Variants in DDX27 observed in about 807,000 individuals in gnomAD.
DDX27 encodes DEAD-box helicase 27.
DDX27 carries 42 observed loss-of-function variants against 99.3 expected under a neutral mutation model. The observed-to-expected ratio is 0.42, with a 90% CI of 0.33 to 0.55. The LOEUF (loss-of-function observed/expected upper bound fraction) is 0.55, where lower values mean the gene tolerates loss of function less well. Ranked by LOEUF, DDX27 falls within the 20% of genes least tolerant of loss-of-function variation. The pLI is 0.07. For synonymous variants in DDX27, 329 were observed against 353.8 expected (o/e 0.93, Z 0.79); for missense variants, 798 against 976.8 (o/e 0.82, Z 2.44).
chr20:49,238,798 C>CA (rs1305253302), intron 14 of DDX27, 151 bp from the exon 15 acceptor site: 1 of 235,818 alleles, frequency 4.2e-6, no homozygotes, highest in Admixed American at 7.4e-5. Flanking sequence ...TTTGTAGAGA[C>CA]AGAGTCTGGC....
rs1979549477 is a variant in DDX27, at chr20:49,219,497, G to A, written c.49G>A (p.Val17Met). Residue 17 changes from valine (V) to methionine (M), a missense_variant, in exon 1 of 21, where the codon GTG (valine) becomes ATG (methionine). By Grantham distance (21) the Val-to-Met change is conservative. This residue lies in a region of DDX27 where 245 missense variants were observed against 248.8 expected (regional missense o/e 0.98). Transcript: ENST00000618172. ...LIGTIGEDDE[V>M]PVEPESDSGD... ...CGGAACCATAGGCGAGGATGACGAG[G>A]TGCCGGTGGAGCCCGAGTCTGACTC... The A allele has an allele frequency of 6.2e-7, 1 of 1,614,120 alleles. No individual in the cohort carries two copies. Among genetic ancestry groups the A allele is most frequent in the African/African-American group, 1.3e-5 (1 of 75,048 alleles).
intron 19 of DDX27, 84 bp from the exon 20 acceptor site, chr20:49,243,545 T>C (rs1980550126): frequency 8.3e-7 from 1 of 1,198,988 alleles, no homozygotes; most frequent in East Asian, 2.3e-5. Context: ...TACTGCTTCA[T>C]GTAGGAGCTG....
At chr20:49,230,771 G>A (rs926975395) in intron 9 of DDX27, among the ~76,000 whole-genome samples, 2 of 148,398 alleles carry the variant, frequency 1.3e-5, no homozygotes, top group Non-Finnish European at 3.0e-5. Context: ...CCCCCACCCC[G>A]CCCCCCAGCT....
chr20:49,242,284 G>A, intron 18 of DDX27, 78 bp downstream of exon 18: 7 of 1,571,866 alleles, frequency 4.5e-6, no homozygotes, highest in Non-Finnish European at 5.2e-6. Flanking sequence ...GAGAAAATCT[G>A]AGGGATGATG....
At chr20:49,243,428 C>T (rs1183240170) in intron 19 of DDX27, among the ~76,000 whole-genome samples, 3 of 152,192 alleles carry the variant, frequency 2.0e-5, no homozygotes. Context: ...AGGGCCTCTT[C>T]CAACCTTGTT....
intron 4 of DDX27, 141 bp downstream of exon 4, chr20:49,223,574 T>TTC: frequency 7.2e-6 from 3 of 416,574 alleles, no homozygotes; most frequent in Non-Finnish European, 1.1e-5. Context: ...CTTTCTTTCT[T>TTC]TTTTTTTTTT....
rs527559215 is a variant in DDX27 at position 49,224,842 on chromosome 20, C to T, written c.467-103C>T. 58 of 1,296,204 alleles carry T rather than the reference C, an allele frequency of 4.5e-5. 1 individual carries two copies. The highest frequency in any genetic ancestry group is 2.2e-4 in the South Asian group (17 of 77,284). The allele number at this position is 1,296,204 out of a possible 1,614,324, so 80.3% of individuals were successfully genotyped here. Reference sequence around the variant, plus strand: ...GAAACAAGGTTGACGATGGTCACCCCTCAGAGGCTGAAGTGTGGCATTGGC... The same window carrying T: ...GAAACAAGGTTGACGATGGTCACCCTTCAGAGGCTGAAGTGTGGCATTGGC... On this transcript the variant is annotated intron_variant, in intron 4 of 20. Coordinates refer to ENST00000618172, the MANE Select transcript of DDX27 (RefSeq NM_017895.8).
intron 7 of DDX27, among the ~76,000 whole-genome samples, chr20:49,227,670 A>G (rs1251056080): frequency 2.6e-5 from 4 of 151,668 alleles, no homozygotes; most frequent in Non-Finnish European, 2.9e-5. Flanking sequence ...TGCCTGGCAT[A>G]CTGAAGGATT....
Position 49,239,246 on chromosome 20 carries a change from C to T in DDX27, c.1805C>T (p.Ala602Val), listed in dbSNP as rs1392777408. ...TTGTTATCTCTACAGATCAATACAG[C>T]AAAGCGGCTCCTGGAGAAGGGGAAG... is the stretch of plus-strand genomic sequence containing the variant. ...MQQSEAQINT[A>V]KRLLEKGKEA... The change falls in exon 16 of 21, where the codon GCA (alanine) becomes GTA (valine). Residue 602 changes from alanine (A) to valine (V), a missense_variant. Physicochemically the swap from Ala to Val is moderately conservative, Grantham distance 64. Around this residue, in one of 2 missense-constraint regions of DDX27, gnomAD observed 553 missense variants for 727.9 expected, o/e 0.76. Transcript: ENST00000618172. 2 of 1,614,052 alleles carry T rather than the reference C, an allele frequency of 1.2e-6. No homozygotes were observed. The highest frequency in any genetic ancestry group is 8.5e-7 in the Non-Finnish European group (1 of 1,179,994).
At chr20:49,224,193 T>C (rs979460479) in intron 4 of DDX27, among the ~76,000 whole-genome samples, 1 of 151,662 alleles carries the variant, frequency 6.6e-6, no homozygotes, top group African/African-American at 2.4e-5. Context: ...TTCTTTTAGG[T>C]TTTCTTTTCT....
At chr20:49,243,306 C>T (rs1275427989) in intron 19 of DDX27, among the ~76,000 whole-genome samples, 1 of 152,082 alleles carries the variant, frequency 6.6e-6, no homozygotes, top group Admixed American at 6.6e-5. Flanking sequence ...CCTGCAGAAC[C>T]CCAGAGAATC....
chr20:49,225,556 C>T (rs549769486), intron 6 of DDX27, among the ~76,000 whole-genome samples: 49 of 149,976 alleles, frequency 3.3e-4, no homozygotes, highest in East Asian at 1.2e-3. Context: ...CCCGGGTTCA[C>T]GCCATTCTCC....
intron 19 of DDX27, 81 bp from the exon 20 acceptor site, chr20:49,243,548 A>C: frequency 8.1e-7 from 1 of 1,229,564 alleles, no homozygotes; most frequent in Non-Finnish European, 1.2e-6. Flanking sequence ...TGCTTCATGT[A>C]GGAGCTGGGG....
chr20:49,229,909 GTGCTGGGAT>G (rs1980040744), intron 8 of DDX27, among the ~76,000 whole-genome samples: 1 of 152,336 alleles, frequency 6.6e-6, no homozygotes, highest in South Asian at 2.1e-4. Context: ...GCCTCCCAAA[GTGCTGGGAT>G]TGATTACAGG....
At chr20:49,242,868 C>T (rs1234387122) in intron 19 of DDX27, among the ~76,000 whole-genome samples, 187 bp downstream of exon 19, 1 of 152,228 alleles carries the variant, frequency 6.6e-6, no homozygotes, top group East Asian at 1.9e-4. Context: ...ACTATAGGCG[C>T]ACGCCACCAT....
intron 6 of DDX27, 30 bp downstream of exon 6, chr20:49,225,229 G>A (rs1456090927): frequency 6.4e-7 from 1 of 1,554,862 alleles, no homozygotes. Flanking sequence ...AATTTTCTTT[G>A]TAGAAGCATG....
chr20:49,230,946 C>T (rs1050540168), intron 9 of DDX27: 7 of 152,392 alleles, frequency 4.6e-5, no homozygotes, highest in Non-Finnish European at 7.3e-5. Context: ...GACTCTTCAC[C>T]AGCTTGGGGA....
intron 7 of DDX27, among the ~76,000 whole-genome samples, chr20:49,227,539 G>C (rs1039284292): frequency 2.0e-5 from 3 of 151,912 alleles, no homozygotes; most frequent in African/African-American, 7.3e-5. Context: ...GCTGATTTTT[G>C]TATTTTTAGT....
Position 49,225,093 on chromosome 20 carries a change from CTT to C in DDX27, c.514-17_514-16del, listed in dbSNP as rs757168989. 151 of 1,612,910 alleles carry C rather than the reference CTT, an allele frequency of 9.4e-5. 2 individuals are homozygous for C. The highest frequency in any genetic ancestry group is 8.8e-4 in the South Asian group (80 of 91,066). On this transcript the variant is annotated intron_variant, in intron 5 of 20. Coordinates refer to ENST00000618172, the MANE Select transcript of DDX27 (RefSeq NM_017895.8). ...CTCTTTTTGTTGAATTCTCTTCTCTCTTTTGGTTTTCTGGTGTAGGAAGCAGG... is the reference window on the plus strand; with the variant it reads ...CTCTTTTTGTTGAATTCTCTTCTCTCTTGGTTTTCTGGTGTAGGAAGCAGG...
Sources: allele counts gnomAD v4.1 joint callset (sites outside exome capture counted in the v4.1 genomes callset), GRCh38; gene constraint gnomAD v4.1.1; regional missense constraint gnomAD v4.1.1; transcripts MANE v1.5; gene names NCBI Gene and HGNC (gene_info 2026-07-23, HGNC 2026-07-21).